NPSR1: variants seen among roughly 807,000 people sequenced by gnomAD.
NPSR1 encodes neuropeptide S receptor.
In NPSR1, 48 loss-of-function variants were observed where a neutral mutation model predicts 46.9. The observed-to-expected ratio is 1.02, with a 90% confidence interval of 0.81 to 1.30. The LOEUF is 1.30. Ranked by LOEUF, NPSR1 falls within the 50% of genes most tolerant of loss-of-function variation. NPSR1 has a pLI of 0.00. For missense variants in NPSR1, 450 were observed against 449.5 expected, an observed-to-expected ratio of 1.00 and a Z score of -0.01; for synonymous variants, 176 against 168.1, an observed-to-expected ratio of 1.05 and a Z score of -0.36.
chr7:34,744,953 T>C (rs2128720825), intron 2 of NPSR1, among the ~76,000 whole-genome samples: 1 of 152,340 alleles, frequency 6.6e-6, no homozygotes, highest in East Asian at 1.9e-4. Flanking sequence ...CAATATAGTA[T>C]AACAACAATT....
downstream of NPSR1, among the ~76,000 whole-genome samples, chr7:34,850,274 C>T (rs985600343): frequency 6.6e-5 from 10 of 152,164 alleles, no homozygotes; most frequent in East Asian, 1.9e-3. Context: ...GCTGTTGGCC[C>T]TCCAAAACAA....
chr7:34,811,765 T>C lies in NPSR1; in HGVS notation c.385-5T>C. On this transcript the variant is annotated splice_polypyrimidine_tract_variant and splice_region_variant and intron_variant, in intron 3 of 8. Transcript: ENST00000360581. Reference sequence around the variant, plus strand: ...TCATAAGCTTCCTCTCATTTCTGTCTTTAGGTTGTGCTGCTCTACGCCTCT... The same window carrying C: ...TCATAAGCTTCCTCTCATTTCTGTCCTTAGGTTGTGCTGCTCTACGCCTCT... 6.2e-7 allele frequency: 1 copy of C among 1,602,710 alleles called. No individual in the cohort carries two copies. Among genetic ancestry groups the C allele is most frequent in the Non-Finnish European group, 8.5e-7 (1 of 1,172,482 alleles).
intron 8 of NPSR1, among the ~76,000 whole-genome samples, chr7:34,865,328 T>C (rs6973509): frequency 0.19 from 28,656 of 151,762 alleles, 3,117 homozygotes; most frequent in Non-Finnish European, 0.24. Flanking sequence ...CAGGTTTTCC[T>C]GTGGCAGGAA....
intron 4 of NPSR1, among the ~76,000 whole-genome samples, chr7:34,815,824 T>C (rs1239972858): frequency 6.6e-5 from 10 of 152,134 alleles, no homozygotes; most frequent in Non-Finnish European, 1.3e-4. Context: ...CTAAGTTTCA[T>C]AAGTGAAGGA....
chr7:34,698,216 G>A (rs1013911965), intron 2 of NPSR1, among the ~76,000 whole-genome samples: 1 of 152,112 alleles, frequency 6.6e-6, no homozygotes, highest in African/African-American at 2.4e-5. Context: ...AGCTAGTAAT[G>A]TTCTATTTCT....
intron 1 of NPSR1, among the ~76,000 whole-genome samples, chr7:34,678,218 CTTTTT>C (rs869140156): frequency 0.11 from 10,760 of 100,352 alleles, 399 homozygotes; most frequent in African/African-American, 0.15. Context: ...CTTTGCAATT[CTTTTT>C]TTTTTTTTTT....
At chr7:34,805,989 C>T (rs879172256) in intron 3 of NPSR1, among the ~76,000 whole-genome samples, 19 of 151,898 alleles carry the variant, frequency 1.3e-4, no homozygotes, top group Admixed American at 1.2e-3. Context: ...CACTACACAT[C>T]TATTAGATAA....
At chr7:34,776,332 T>C (rs1363235112) in intron 2 of NPSR1, among the ~76,000 whole-genome samples, 2 of 152,180 alleles carry the variant, frequency 1.3e-5, no homozygotes, top group Non-Finnish European at 2.9e-5. Context: ...ATGGGGTCTA[T>C]ATCTCTCTTT....
intron 2 of NPSR1, among the ~76,000 whole-genome samples, chr7:34,716,360 G>A (rs1476251648): frequency 2.0e-5 from 3 of 152,112 alleles, no homozygotes. Context: ...GAACATTATT[G>A]GGCAATCACT....
chr7:34,836,838 T>C (rs1790394854), intron 6 of NPSR1, among the ~76,000 whole-genome samples: 1 of 152,108 alleles, frequency 6.6e-6, no homozygotes. Context: ...TATCCTACAA[T>C]GAGGGAACTG....
At chr7:34,672,758 A>G (rs541506833) in intron 1 of NPSR1, among the ~76,000 whole-genome samples, 1 of 152,254 alleles carries the variant, frequency 6.6e-6, no homozygotes, top group Admixed American at 6.5e-5. Context: ...ACTTGTAATC[A>G]TGGTGTTGAG....
intron 2 of NPSR1, among the ~76,000 whole-genome samples, chr7:34,733,000 A>C (rs1784499000): frequency 6.6e-6 from 1 of 152,264 alleles, no homozygotes; most frequent in African/African-American, 2.4e-5. Context: ...GTAAAAGTAA[A>C]GGTGATTTGT....
intron 1 of NPSR1, among the ~76,000 whole-genome samples, chr7:34,662,460 C>A (rs1791504265): frequency 6.6e-6 from 1 of 152,194 alleles, no homozygotes; most frequent in South Asian, 2.1e-4. Context: ...CCTGCCCTGG[C>A]CCCAGGACAG....
chr7:34,690,615 C>G (rs1001048881), intron 2 of NPSR1, among the ~76,000 whole-genome samples: 1 of 151,974 alleles, frequency 6.6e-6, no homozygotes, highest in East Asian at 1.9e-4. Context: ...ATAGGCTAGA[C>G]CAAGTGGAAG....
chr7:34,753,246 T>C (rs1785636797), intron 2 of NPSR1, among the ~76,000 whole-genome samples: 1 of 152,084 alleles, frequency 6.6e-6, no homozygotes, highest in Non-Finnish European at 1.5e-5. Flanking sequence ...AGTAGAAAGA[T>C]CAGGAGGAAT....
downstream of NPSR1, among the ~76,000 whole-genome samples, chr7:34,852,720 G>A (rs1790964697): frequency 6.6e-6 from 1 of 152,272 alleles, no homozygotes; most frequent in South Asian, 2.1e-4. Flanking sequence ...ACTGTTTGTA[G>A]CCTTTGATGC....
In NPSR1 at chr7:34,849,877, T is replaced by G; in HGVS notation, c.*222T>G. On this transcript the variant is annotated 3_prime_UTR_variant, in exon 9 of 9. Coordinates refer to ENST00000360581, the MANE Select transcript of NPSR1 (RefSeq NM_207172.2). ...GCCAGCCAGGAAGGAAACGCCTTCC[T>G]TCCCCACCATTCCCAGCCCTCCTTC... 7.7e-7 allele frequency: 1 copy of G among 1,300,144 alleles called. No homozygotes were observed. The highest frequency in any genetic ancestry group is 9.8e-7 in the Non-Finnish European group (1 of 1,017,276). 80.5% of individuals were successfully genotyped at this position (1,300,144 alleles called of 1,614,324 possible).
At chr7:34,698,251 C>T (rs565810519) in intron 2 of NPSR1, among the ~76,000 whole-genome samples, 6 of 152,134 alleles carry the variant, frequency 3.9e-5, no homozygotes, top group African/African-American at 1.2e-4. Context: ...GTTACGTGGG[C>T]GTGTTCCTCT....
At position 34,806,736 on chromosome 7, in the gene NPSR1, T is replaced by C. The variant is rs578051945; in HGVS notation, c.385-5034T>C. ...AAGATGTTAATGACAAGGAAAAGTATATAGATGGGAGGGAGTCATAGGGAA... is the reference window on the plus strand; with the variant it reads ...AAGATGTTAATGACAAGGAAAAGTACATAGATGGGAGGGAGTCATAGGGAA... On this transcript the variant is annotated intron_variant, in intron 3 of 8. Transcript: ENST00000360581. Among the ~76,000 whole-genome samples, 16 of 152,254 alleles carry C rather than the reference T, an allele frequency of 1.1e-4. No individual in the cohort carries two copies. The South Asian group carries it at 3.3e-3, about 31-fold the overall frequency.
Sources: allele counts gnomAD v4.1 joint callset (sites outside exome capture counted in the v4.1 genomes callset), GRCh38; gene constraint gnomAD v4.1.1; transcripts MANE v1.5; gene names NCBI Gene and HGNC (gene_info 2026-07-23, HGNC 2026-07-21).